The following CNTN4 variants were observed in gnomAD, a reference collection of about 807,000 sequenced individuals.
The protein encoded by CNTN4 is contactin-4.
A neutral mutation model predicts 122.5 loss-of-function variants in CNTN4; 77 were observed. The observed-to-expected ratio is 0.63, with a 90% CI of 0.52 to 0.76. CNTN4 has a LOEUF of 0.76. Ranked by LOEUF, CNTN4 falls within the 30% of genes least tolerant of loss-of-function variation. CNTN4 has a pLI of 0.00. For missense variants in CNTN4, 1,256 were observed against 1,259.1 expected, an observed-to-expected ratio of 1.00 and a Z score of 0.04; for synonymous variants, 512 against 447.0, an observed-to-expected ratio of 1.15 and a Z score of -1.83.
At chr3:2,635,802 C>G (rs750850928) in intron 4 of CNTN4, among the ~76,000 whole-genome samples, 1 of 152,070 alleles carries the variant, frequency 6.6e-6, no homozygotes, top group Non-Finnish European at 1.5e-5. Context: ...GAGAAAGTTA[C>G]GTTTGTTGAG....
At chr3:3,005,683 G>C (rs1184317849) in intron 14 of CNTN4, among the ~76,000 whole-genome samples, 1 of 152,124 alleles carries the variant, frequency 6.6e-6, no homozygotes, top group Non-Finnish European at 1.5e-5. Context: ...TTACGTGGCA[G>C]TAAGAGAACT....
At chr3:2,449,446 C>G (rs919510946) in intron 3 of CNTN4, among the ~76,000 whole-genome samples, 2 of 151,954 alleles carry the variant, frequency 1.3e-5, no homozygotes, top group African/African-American at 4.8e-5. Context: ...AAAACCCCGT[C>G]TCTACTAAAA....
intron 4 of CNTN4, among the ~76,000 whole-genome samples, chr3:2,627,608 T>G (rs192628405): frequency 6.6e-6 from 1 of 151,290 alleles, no homozygotes; most frequent in South Asian, 2.1e-4. Context: ...ATTCTCCTGC[T>G]TCAGCCTCCC....
intron 13 of CNTN4, among the ~76,000 whole-genome samples, chr3:2,982,990 G>A (rs1041204535): frequency 2.6e-5 from 4 of 151,048 alleles, no homozygotes; most frequent in Non-Finnish European, 4.4e-5. Flanking sequence ...CGAGGCGGGC[G>A]GATCACGAGG....
intron 3 of CNTN4, among the ~76,000 whole-genome samples, chr3:2,535,397 T>C (rs763065540): frequency 6.6e-6 from 1 of 152,198 alleles, no homozygotes; most frequent in Non-Finnish European, 1.5e-5. Flanking sequence ...TTCTCTTTCA[T>C]TTGATCATAG....
chr3:2,108,234 C>T (rs2032623644), intron 2 of CNTN4, among the ~76,000 whole-genome samples: 1 of 139,306 alleles, frequency 7.2e-6, no homozygotes, highest in African/African-American at 2.7e-5. Context: ...CTGTCCTTGT[C>T]TACTGTGTTT....
At chr3:3,004,254 T>A (rs896748598) in intron 14 of CNTN4, among the ~76,000 whole-genome samples, 1 of 152,166 alleles carries the variant, frequency 6.6e-6, no homozygotes, top group Non-Finnish European at 1.5e-5. Flanking sequence ...CTTGACATAT[T>A]CTTAGGGGTC....
chr3:2,872,554 T>G (rs1235476903), intron 8 of CNTN4, among the ~76,000 whole-genome samples: 1 of 152,116 alleles, frequency 6.6e-6, no homozygotes, highest in South Asian at 2.1e-4. Flanking sequence ...GTCTGATAGG[T>G]CCATGCATTG....
At chr3:2,650,980 A>G (rs79105360) in intron 4 of CNTN4, among the ~76,000 whole-genome samples, 1 of 152,346 alleles carries the variant, frequency 6.6e-6, no homozygotes, top group African/African-American at 2.4e-5. Flanking sequence ...ATCTTAAAGA[A>G]CATCTAATTC....
At chr3:2,273,641 C>A (rs564688886) in intron 2 of CNTN4, among the ~76,000 whole-genome samples, 1 of 152,216 alleles carries the variant, frequency 6.6e-6, no homozygotes, top group African/African-American at 2.4e-5. Flanking sequence ...ATTGACTGAG[C>A]CTGCCTAGTA....
At chr3:2,282,367 C>CATGCATTTTTTCATTCTCTAGCA (rs574698948) in intron 2 of CNTN4, among the ~76,000 whole-genome samples, 1,791 of 152,072 alleles carry the variant, frequency 0.012, 35 homozygotes, top group African/African-American at 0.041. Flanking sequence ...ATGTATACAG[C>CATGCATTTTTTCATTCTCTAGCA]ATGCATTTTT....
chr3:2,459,559 A>G (rs1191086326), intron 3 of CNTN4, among the ~76,000 whole-genome samples: 1 of 151,972 alleles, frequency 6.6e-6, no homozygotes, highest in Admixed American at 6.6e-5. Flanking sequence ...GTGCAGAGCA[A>G]CTCTCGTGAT....
intron 3 of CNTN4, among the ~76,000 whole-genome samples, chr3:2,561,141 A>AT (rs1245633650): frequency 6.6e-6 from 1 of 152,080 alleles, no homozygotes; most frequent in Non-Finnish European, 1.5e-5. Flanking sequence ...GACACCTAAT[A>AT]TATTAGGTAT....
At chr3:2,213,320 C>T (rs958754601) in intron 2 of CNTN4, among the ~76,000 whole-genome samples, 1 of 152,126 alleles carries the variant, frequency 6.6e-6, no homozygotes, top group Non-Finnish European at 1.5e-5. Flanking sequence ...GCTTTATTTA[C>T]CCCTTGCCTC....
At chr3:2,545,723 A>T (rs2078216845) in intron 3 of CNTN4, among the ~76,000 whole-genome samples, 1 of 150,806 alleles carries the variant, frequency 6.6e-6, no homozygotes, top group Non-Finnish European at 1.5e-5. Context: ...TGCTTGGTAG[A>T]TATTCTTCCA....
chr3:3,009,200 G>A (rs887920356), intron 14 of CNTN4, among the ~76,000 whole-genome samples: 2 of 152,136 alleles, frequency 1.3e-5, no homozygotes, highest in Non-Finnish European at 2.9e-5. Context: ...TACTTTCCTC[G>A]GAGCATTGCA....
chr3:3,009,014 C>T (rs1005754133), intron 14 of CNTN4: 8 of 985,292 alleles, frequency 8.1e-6, no homozygotes, highest in Non-Finnish European at 8.4e-6. Flanking sequence ...GTATGATCTG[C>T]GGGCTAGAGG....
At chr3:2,335,543 T>A (rs967009018) in intron 2 of CNTN4, among the ~76,000 whole-genome samples, 1 of 151,046 alleles carries the variant, frequency 6.6e-6, no homozygotes, top group South Asian at 2.1e-4. Context: ...TCTTTCCCCC[T>A]GTAAAGCAGC....
intron 3 of CNTN4, among the ~76,000 whole-genome samples, chr3:2,497,085 C>T (rs4571230): frequency 0.67 from 101,374 of 152,052 alleles, 34,055 homozygotes; most frequent in Admixed American, 0.71. Context: ...TTGGAAACAA[C>T]GTCACAGAGA....
Sources: allele counts gnomAD v4.1 joint callset (sites outside exome capture counted in the v4.1 genomes callset), GRCh38; gene constraint gnomAD v4.1.1; transcripts MANE v1.5; gene names NCBI Gene and HGNC (gene_info 2026-07-23, HGNC 2026-07-21).